The following AFAP1 variants were observed in gnomAD, a reference collection of about 807,000 sequenced individuals.
The protein encoded by AFAP1 is actin filament-associated protein 1.
A neutral mutation model predicts 93.9 loss-of-function variants in AFAP1; 75 were observed. The ratio of observed to expected loss-of-function variants is 0.80; its 90% CI spans 0.66 to 0.97. AFAP1 has a LOEUF of 0.97. AFAP1 is among the 50% of genes least tolerant of loss of function. AFAP1 has a pLI of 0.00. For synonymous variants in AFAP1, 517 were observed against 430.7 expected (o/e 1.20, Z -2.48); for missense variants, 1,201 against 1,050.8 (o/e 1.14, Z -1.98).
At chr4:7,915,487 AAG>A (rs879527898) in intron 1 of AFAP1, among the ~76,000 whole-genome samples, 198 of 126,426 alleles carry the variant, frequency 1.6e-3, no homozygotes, top group Non-Finnish European at 2.1e-3. Flanking sequence ...TAAAAAAAAA[AAG>A]AAGAAGAAGA....
chr4:7,843,063 G>A, intron 5 of AFAP1, 76 bp downstream of exon 5: 1 of 1,486,630 alleles, frequency 6.7e-7, no homozygotes, highest in South Asian at 1.2e-5. Flanking sequence ...TGATGTTAAT[G>A]GTGACTGGAT....
intron 1 of AFAP1, among the ~76,000 whole-genome samples, chr4:7,934,063 G>A (rs1202111239): frequency 1.3e-5 from 2 of 152,192 alleles, no homozygotes; most frequent in African/African-American, 4.8e-5. Flanking sequence ...TCCAAAGGCA[G>A]GGCTGGCCAC....
At chr4:7,897,878 C>A (rs983985056) in intron 1 of AFAP1, among the ~76,000 whole-genome samples, 1 of 152,106 alleles carries the variant, frequency 6.6e-6, no homozygotes, top group Admixed American at 6.5e-5. Context: ...ATTTAGCATG[C>A]CCAAAACGCA....
intron 1 of AFAP1, among the ~76,000 whole-genome samples, chr4:7,897,593 T>TGGCTCAATGCACCTC (rs2149213704): frequency 6.6e-6 from 1 of 152,216 alleles, no homozygotes; most frequent in East Asian, 1.9e-4. Context: ...GGCGTGATCT[T>TGGCTCAATGCACCTC]GGCTCAATGC....
chr4:7,939,476 AC>A lies in AFAP1; in HGVS notation c.-3+179del. Reference sequence around the variant, plus strand: ...GGCCCCCACCCGCAGGACGACCGGGACCCCCGCGCGGGCCCACGCGGCGTCG... The same window carrying A: ...GGCCCCCACCCGCAGGACGACCGGGACCCCGCGCGGGCCCACGCGGCGTCG... On this transcript the variant is annotated intron_variant, in intron 1 of 17. Coordinates refer to ENST00000420658, the MANE Select transcript of AFAP1 (RefSeq NM_001134647.2). The surrounding 1 kb of genome is among the most constrained non-coding windows in gnomAD (Gnocchi z 5.6). The A allele has an allele frequency of 1.0e-5, 3 of 298,528 alleles. No homozygotes were observed. Among genetic ancestry groups the A allele is most frequent in the Admixed American group, 5.5e-5 (1 of 18,316 alleles). 18.5% of individuals were successfully genotyped at this position (298,528 alleles called of 1,614,324 possible). A position where few individuals can be genotyped will look rare whatever the true frequency, so the allele number is the denominator to read the frequency against.
chr4:7,901,949 T>G (rs1035116195), intron 1 of AFAP1, among the ~76,000 whole-genome samples: 1 of 152,192 alleles, frequency 6.6e-6, no homozygotes. Flanking sequence ...CACCCCTCAT[T>G]TGCATCAACA....
intron 1 of AFAP1, among the ~76,000 whole-genome samples, chr4:7,919,501 CTGAGCCGAT>C (rs1458671471): frequency 6.6e-6 from 1 of 152,160 alleles, no homozygotes; most frequent in East Asian, 1.9e-4. Flanking sequence ...AATGACATTT[CTGAGCCGAT>C]TGAGTTCTTA....
At chr4:7,921,524 C>T (rs1391621256) in intron 1 of AFAP1, among the ~76,000 whole-genome samples, 1 of 151,928 alleles carries the variant, frequency 6.6e-6, no homozygotes, top group East Asian at 1.9e-4. Context: ...ACAAACAAAA[C>T]ATCTGAGAAG....
rs76120138 is a variant in AFAP1 at position 7,800,398 on chromosome 4, G to A, written c.1266+44C>T. On this transcript the variant is annotated intron_variant, in intron 10 of 17. Transcript: ENST00000420658. Reference sequence around the variant, plus strand: ...TTCGCCTTTTGAAAGGAAGATCACCGCGTGTGTCCCTCTGTGGAGTACAGC... The same window carrying A: ...TTCGCCTTTTGAAAGGAAGATCACCACGTGTGTCCCTCTGTGGAGTACAGC... 3,676 of 1,592,752 alleles carry A rather than the reference G, an allele frequency of 2.3e-3. 69 individuals are homozygous for A. In the African/African-American group the frequency reaches 0.041, roughly 18 times the overall value.
chr4:7,891,719 T>C (rs1718482831), intron 1 of AFAP1, among the ~76,000 whole-genome samples: 1 of 144,980 alleles, frequency 6.9e-6, no homozygotes, highest in South Asian at 2.2e-4. Context: ...AAAAGGAAGG[T>C]TGAACTTATA....
chr4:7,798,946 G>C, intron 10 of AFAP1: 1 of 986,712 alleles, frequency 1.0e-6, no homozygotes. Context: ...TCTCAGATCT[G>C]CTGTCAGAGC....
At chr4:7,811,844 T>A (rs1720074485) in intron 8 of AFAP1, among the ~76,000 whole-genome samples, 1 of 152,138 alleles carries the variant, frequency 6.6e-6, no homozygotes, top group Non-Finnish European at 1.5e-5. Flanking sequence ...CAGCCCAAGC[T>A]GACTAACGCA....
chr4:7,829,645 G>A (rs1213672482), intron 6 of AFAP1, among the ~76,000 whole-genome samples: 2 of 152,210 alleles, frequency 1.3e-5, no homozygotes, highest in African/African-American at 2.4e-5. Flanking sequence ...TAAGAGGAGT[G>A]CAGATTACAA....
intron 17 of AFAP1, among the ~76,000 whole-genome samples, chr4:7,768,210 A>G (rs1577173963): frequency 6.6e-6 from 1 of 152,256 alleles, no homozygotes; most frequent in South Asian, 2.1e-4. Flanking sequence ...CACTCCGTGC[A>G]CTTCCACACA....
intron 6 of AFAP1, among the ~76,000 whole-genome samples, chr4:7,827,444 G>A (rs1259254949): frequency 1.3e-5 from 2 of 151,746 alleles, no homozygotes; most frequent in Non-Finnish European, 2.9e-5. Flanking sequence ...GGTGGCACAC[G>A]CCTGTAATCC....
intron 6 of AFAP1, among the ~76,000 whole-genome samples, chr4:7,825,573 G>C (rs541380920): frequency 6.6e-6 from 1 of 152,242 alleles, no homozygotes; most frequent in South Asian, 2.1e-4. Flanking sequence ...TCAAAACGTA[G>C]AGGGTGCCGT....
chr4:7,786,803 C>A (rs1404833498), intron 11 of AFAP1, among the ~76,000 whole-genome samples: 2 of 152,328 alleles, frequency 1.3e-5, no homozygotes, highest in South Asian at 4.1e-4. Flanking sequence ...TCCAGAAGGA[C>A]AACATGGCCT....
chr4:7,807,897 T>A (rs1045680943), intron 9 of AFAP1, among the ~76,000 whole-genome samples: 1 of 152,176 alleles, frequency 6.6e-6, no homozygotes, highest in South Asian at 2.1e-4. Flanking sequence ...CCATGGCCCA[T>A]CCTCTGTATT....
intron 4 of AFAP1, 26 bp from the exon 5 acceptor site, chr4:7,843,376 A>G: frequency 6.3e-7 from 1 of 1,585,876 alleles, no homozygotes; most frequent in African/African-American, 1.3e-5. Context: ...ATACACTGGT[A>G]AAAAGGACTT....
Sources: gnomAD v4.1 joint callset for allele counts (sites outside exome capture counted in the v4.1 genomes callset) on GRCh38, gnomAD v4.1.1 for gene constraint, Gnocchi (gnomAD v3.1) non-coding constraint, MANE v1.5 for transcripts, NCBI Gene and HGNC (gene_info 2026-07-23, HGNC 2026-07-21) for gene names.